MAGI1: variants seen among roughly 807,000 people sequenced by gnomAD.
MAGI1 encodes the protein membrane associated guanylate kinase, WW and PDZ domain containing 1.
Under a neutral mutation model 139.9 loss-of-function variants are expected in MAGI1, and 58 were observed. That is an observed-to-expected ratio of 0.41 (90% CI 0.34 to 0.52). The LOEUF (loss-of-function observed/expected upper bound fraction) is 0.52, where lower values mean the gene tolerates loss of function less well. MAGI1 is among the 20% of genes least tolerant of loss of function. The probability of loss-of-function intolerance (pLI) is 0.12; values close to 1 mark genes in which losing one functional copy is unlikely to be tolerated. For synonymous variants in MAGI1, 812 were observed against 737.9 expected (o/e 1.10, Z -1.63); for missense variants, 1,874 against 1,901.6 (o/e 0.99, Z 0.27).
intron 1 of MAGI1, among the ~76,000 whole-genome samples, chr3:65,711,804 C>G (rs976865609): frequency 6.6e-6 from 1 of 152,180 alleles, no homozygotes; most frequent in African/African-American, 2.4e-5. Context: ...ACACCTTGAT[C>G]TGGGACTTCT....
At chr3:65,971,979 C>A (rs898241614) in intron 1 of MAGI1, among the ~76,000 whole-genome samples, 2 of 152,198 alleles carry the variant, frequency 1.3e-5, no homozygotes, top group Non-Finnish European at 2.9e-5. Flanking sequence ...GCAAATAGGA[C>A]AAGCTGTTAG....
chr3:65,430,255 C>T, intron 11 of MAGI1, 115 bp from the exon 12 acceptor site: 2 of 1,048,366 alleles, frequency 1.9e-6, no homozygotes, highest in Non-Finnish European at 2.8e-6. Flanking sequence ...GGGTGTGATA[C>T]TATAGGGTAT....
At chr3:65,900,104 C>T (rs959311259) in intron 1 of MAGI1, among the ~76,000 whole-genome samples, 3 of 151,222 alleles carry the variant, frequency 2.0e-5, no homozygotes, top group African/African-American at 4.9e-5. Context: ...AAAAAAAAAA[C>T]GAGCTTTCTA....
At chr3:65,951,015 GGAAGGAAGGAAGGAAGGA>G (rs1560047126) in intron 1 of MAGI1, among the ~76,000 whole-genome samples, 5 of 122,362 alleles carry the variant, frequency 4.1e-5, no homozygotes, top group Non-Finnish European at 7.4e-5. Flanking sequence ...AAGGAAGGAA[GGAAGGAAGGAAGGAAGGA>G]AGGAAAGGAG....
chr3:65,935,410 G>A (rs1001008423), intron 1 of MAGI1, among the ~76,000 whole-genome samples: 3 of 152,206 alleles, frequency 2.0e-5, no homozygotes, highest in Non-Finnish European at 4.4e-5. Flanking sequence ...GAGGTGGGCA[G>A]GAGTTCATGA....
At chr3:65,524,284 T>C (rs1428932193) in intron 2 of MAGI1, among the ~76,000 whole-genome samples, 1 of 152,194 alleles carries the variant, frequency 6.6e-6, no homozygotes, top group Non-Finnish European at 1.5e-5. Flanking sequence ...GAGTCTCTCA[T>C]AGGTTTCAAG....
chr3:65,772,543 T>C (rs1362157366), intron 1 of MAGI1, among the ~76,000 whole-genome samples: 1 of 152,186 alleles, frequency 6.6e-6, no homozygotes, highest in Admixed American at 6.5e-5. Context: ...GAGGGACACC[T>C]CTTTCCCTGG....
rs1273077017 is a variant in MAGI1, at chr3:65,781,271, CCAAA to C, written c.314-159187_314-159184del. Among the ~76,000 whole-genome samples the C allele has an allele frequency of 2.6e-5, 4 of 152,228 alleles. No homozygotes were observed. The East Asian group carries it at 7.7e-4, about 29-fold the overall frequency. On this transcript the variant is annotated intron_variant, in intron 1 of 22. Transcript: ENST00000402939. The stretch of plus-strand genomic sequence containing the variant: ...AATAGTACCTGCACACAGAGCCTTC[CCAAA>C]CAGATACTGACACAATACAAGATAT...
At chr3:65,514,533 A>G (rs1576130687) in intron 2 of MAGI1, among the ~76,000 whole-genome samples, 1 of 150,610 alleles carries the variant, frequency 6.6e-6, no homozygotes, top group African/African-American at 2.5e-5. Context: ...GAAGACATTT[A>G]TGCAGCCAAA....
intron 2 of MAGI1, among the ~76,000 whole-genome samples, chr3:65,537,395 T>G (rs2079008021): frequency 6.6e-6 from 1 of 152,236 alleles, no homozygotes; most frequent in East Asian, 1.9e-4. Context: ...TGTTCCCTTT[T>G]GCATTTTCCC....
chr3:65,594,774 T>C (rs1403422653), intron 2 of MAGI1, among the ~76,000 whole-genome samples: 1 of 152,096 alleles, frequency 6.6e-6, no homozygotes, highest in Non-Finnish European at 1.5e-5. Context: ...GAAAAAGAAA[T>C]ATCTGCAGTA....
intron 5 of MAGI1, among the ~76,000 whole-genome samples, chr3:65,466,460 G>C (rs2107561946): frequency 6.6e-6 from 1 of 152,278 alleles, no homozygotes; most frequent in Admixed American, 6.5e-5. Flanking sequence ...CCGGAGAGGG[G>C]AATGGGCTCC....
At chr3:65,381,318 A>T (rs1943031422) in intron 16 of MAGI1, among the ~76,000 whole-genome samples, 1 of 152,182 alleles carries the variant, frequency 6.6e-6, no homozygotes, top group African/African-American at 2.4e-5. Flanking sequence ...TGAGCCTGAA[A>T]GGATATGTAG....
chr3:65,802,356 C>T (rs1317816974), intron 1 of MAGI1, among the ~76,000 whole-genome samples: 3 of 152,054 alleles, frequency 2.0e-5, no homozygotes, highest in Non-Finnish European at 4.4e-5. Context: ...ATGGGGGAGA[C>T]AAGGAAGATG....
At chr3:65,419,069 AG>A (rs1946442654) in intron 12 of MAGI1, among the ~76,000 whole-genome samples, 1 of 152,144 alleles carries the variant, frequency 6.6e-6, no homozygotes, top group African/African-American at 2.4e-5. Flanking sequence ...GATGTGCCTC[AG>A]GGTTCTGTCT....
chr3:65,566,983 A>C (rs1258925920), intron 2 of MAGI1, among the ~76,000 whole-genome samples: 1 of 151,982 alleles, frequency 6.6e-6, no homozygotes, highest in Non-Finnish European at 1.5e-5. Flanking sequence ...AAAAGTCTAC[A>C]TTTGAGGCCA....
At chr3:65,706,401 C>T (rs1269829169) in intron 1 of MAGI1, among the ~76,000 whole-genome samples, 1 of 152,194 alleles carries the variant, frequency 6.6e-6, no homozygotes, top group Non-Finnish European at 1.5e-5. Context: ...ATACCATAGC[C>T]TCTGCCTTCC....
chr3:65,625,662 G>T (rs1336603739), intron 1 of MAGI1, among the ~76,000 whole-genome samples: 4 of 152,232 alleles, frequency 2.6e-5, no homozygotes, highest in Admixed American at 2.0e-4. Context: ...GTTGTTGAAT[G>T]GACGATTATT....
intron 2 of MAGI1, among the ~76,000 whole-genome samples, chr3:65,581,818 G>A (rs935799168): frequency 6.6e-6 from 1 of 151,924 alleles, no homozygotes; most frequent in African/African-American, 2.4e-5. Context: ...ATACTTTGCG[G>A]TCCTTATCTA....
Sources: gnomAD v4.1 joint callset for allele counts (sites outside exome capture counted in the v4.1 genomes callset) on GRCh38, gnomAD v4.1.1 for gene constraint, MANE v1.5 for transcripts, NCBI Gene and HGNC (gene_info 2026-07-23, HGNC 2026-07-21) for gene names.